KCNU1: variants seen among roughly 807,000 people sequenced by gnomAD.
The protein encoded by KCNU1 is potassium calcium-activated channel subfamily U member 1.
KCNU1 carries 93 observed loss-of-function variants against 126.8 expected under a neutral mutation model. The observed-to-expected ratio is 0.73, with a 90% CI of 0.62 to 0.87. The LOEUF (loss-of-function observed/expected upper bound fraction) is 0.87. Ranked by LOEUF, KCNU1 falls within the 40% of genes least tolerant of loss-of-function variation. KCNU1 has a pLI of 0.00. For synonymous variants in KCNU1, 523 were observed against 494.2 expected (o/e 1.06, Z -0.77); for missense variants, 1,330 against 1,367.1 (o/e 0.97, Z 0.43).
chr8:36,859,648 A>G (rs1040618057), intron 18 of KCNU1, among the ~76,000 whole-genome samples: 2 of 152,158 alleles, frequency 1.3e-5, no homozygotes, highest in Admixed American at 1.3e-4. Flanking sequence ...CCATTTTTCC[A>G]AACTAGAACC....
intron 19 of KCNU1, among the ~76,000 whole-genome samples, chr8:36,885,942 A>C (rs1806684868): frequency 6.6e-6 from 1 of 152,220 alleles, no homozygotes; most frequent in Non-Finnish European, 1.5e-5. Context: ...CTGAAGAAGA[A>C]AGGAGAAACA....
At chr8:36,791,686 G>A (rs557848395) in intron 2 of KCNU1, among the ~76,000 whole-genome samples, 3 of 152,106 alleles carry the variant, frequency 2.0e-5, no homozygotes, top group South Asian at 2.1e-4. Context: ...TTTCAAAAAC[G>A]GTGCCTGGAA....
At chr8:36,830,865 G>A (rs1244792677) in intron 10 of KCNU1, among the ~76,000 whole-genome samples, 14 of 150,722 alleles carry the variant, frequency 9.3e-5, no homozygotes, top group Non-Finnish European at 1.8e-4. Flanking sequence ...CCACTAACTC[G>A]TCATCTAGCA....
intron 18 of KCNU1, among the ~76,000 whole-genome samples, chr8:36,849,414 C>A (rs1805265494): frequency 6.6e-6 from 1 of 152,024 alleles, no homozygotes; most frequent in Admixed American, 6.6e-5. Context: ...CATGGTGAAA[C>A]CCCGTCTGTA....
In KCNU1 at chr8:36,811,435, A is replaced by G. The variant is rs560137365; in HGVS notation, c.732+2642A>G. Among the ~76,000 whole-genome samples, 7 of 152,316 alleles carry G rather than the reference A, an allele frequency of 4.6e-5. No individual in the cohort carries two copies. In the East Asian group the frequency reaches 1.2e-3, roughly 25 times the overall value. On this transcript the variant is annotated intron_variant, in intron 7 of 26. Transcript: ENST00000399881. ...GACTAGCTTCAAGTTTCTTGACAAC[A>G]TTGGTCAATACCAGAAGATGATACA...
intron 7 of KCNU1, among the ~76,000 whole-genome samples, chr8:36,813,507 A>G (rs1051720294): frequency 2.0e-5 from 3 of 149,012 alleles, no homozygotes. Flanking sequence ...TATATAATAT[A>G]TTATGTTACA....
At chr8:36,910,661 C>T (rs556719999) in intron 21 of KCNU1, among the ~76,000 whole-genome samples, 6 of 152,286 alleles carry the variant, frequency 3.9e-5, no homozygotes, top group East Asian at 3.9e-4. Flanking sequence ...GTCAGTGGCA[C>T]GGACTTACGT....
chr8:36,855,933 GT>G, intron 18 of KCNU1, among the ~76,000 whole-genome samples: 1 of 151,964 alleles, frequency 6.6e-6, no homozygotes, highest in Admixed American at 6.6e-5. Context: ...CATTTTTCTC[GT>G]GCTGGTTTCA....
In KCNU1 at chr8:36,886,056, A is replaced by G. The variant is rs569196499; in HGVS notation, c.2010-19652A>G. Among the ~76,000 whole-genome samples the G allele has an allele frequency of 3.9e-5, 6 of 152,176 alleles. No individual in the cohort carries two copies. In the South Asian group the frequency reaches 1.0e-3, roughly 26 times the overall value. Reference sequence around the variant, plus strand: ...CATATAATCTTCCCGTATCCCACACATTACCACCACACCAATAGGGCTTCA... The same window carrying G: ...CATATAATCTTCCCGTATCCCACACGTTACCACCACACCAATAGGGCTTCA... On this transcript the variant is annotated intron_variant, in intron 19 of 26. Coordinates refer to ENST00000399881, the MANE Select transcript of KCNU1 (RefSeq NM_001031836.3).
At chr8:36,928,120 G>A (rs1226698944) in intron 24 of KCNU1, among the ~76,000 whole-genome samples, 1 of 151,928 alleles carries the variant, frequency 6.6e-6, no homozygotes, top group Non-Finnish European at 1.5e-5. Flanking sequence ...AATAGGAGAT[G>A]AGCTCACAGA....
In KCNU1 at chr8:36,879,410, G is replaced by A. The variant is rs928794810; in HGVS notation, c.2009+14889G>A. Among the ~76,000 whole-genome samples, 3 of 151,650 alleles carry A rather than the reference G, an allele frequency of 2.0e-5. No individual in the cohort carries two copies. In the East Asian group the frequency reaches 5.8e-4, roughly 29 times the overall value. On this transcript the variant is annotated intron_variant, in intron 19 of 26. Transcript: ENST00000399881. ...ATCTAACCTTGAGAAATGTATGTCTGGTATGCAAGAAAAATTAGCTATCAA... is the reference window on the plus strand; with the variant it reads ...ATCTAACCTTGAGAAATGTATGTCTAGTATGCAAGAAAAATTAGCTATCAA...
rs553837742 is a variant in KCNU1 at position 36,935,780 on chromosome 8, C to G, written c.3310C>G (p.Gln1104Glu). ...AACTAACTCCCTCTCTTTTCCTAAG[C>G]AAATAGCATGGAATCAGAGTAGAAC... is the stretch of plus-strand genomic sequence containing the variant. ...PRTNSLSFPK[Q>E]IAWNQSRTNS... The change falls in exon 27 of 27, where the codon CAA becomes GAA. Residue 1104 changes from glutamine (Q) to glutamate (E), a missense_variant. This residue lies in a region of KCNU1 where 1,054 missense variants were observed against 1,053.9 expected (regional missense o/e 1.00). Transcript: ENST00000399881. The G allele has an allele frequency of 5.0e-6, 8 of 1,613,336 alleles. No homozygotes were observed. The South Asian group carries it at 6.6e-5, about 13-fold the overall frequency.
chr8:36,809,729 C>A (rs1037432891), intron 7 of KCNU1, among the ~76,000 whole-genome samples: 2 of 152,104 alleles, frequency 1.3e-5, no homozygotes, highest in African/African-American at 4.8e-5. Context: ...ACATTAGTGT[C>A]CCTGTAGAAA....
chr8:36,877,458 A>G (rs905036953), intron 19 of KCNU1, among the ~76,000 whole-genome samples: 21 of 151,696 alleles, frequency 1.4e-4, no homozygotes, highest in African/African-American at 5.1e-4. Context: ...GCCCACCACC[A>G]CACCCAGCTG....
intron 26 of KCNU1, among the ~76,000 whole-genome samples, chr8:36,933,498 T>A (rs963992293): frequency 1.3e-5 from 2 of 152,084 alleles, no homozygotes; most frequent in Non-Finnish European, 2.9e-5. Context: ...CGGCTTTCAA[T>A]TTAAAGAAAG....
chr8:36,888,027 T>G (rs1301415506), intron 19 of KCNU1, among the ~76,000 whole-genome samples: 2 of 152,134 alleles, frequency 1.3e-5, no homozygotes, highest in African/African-American at 4.8e-5. Flanking sequence ...AAGATTTTTC[T>G]GGGTTGCCCT....
Position 36,834,795 on chromosome 8 carries a change from G to C in KCNU1, c.1222G>C (p.Ala408Pro). ...EDLRRVAVES[A>P]EACLIIANPL... The stretch of plus-strand genomic sequence containing the variant: ...CGATCTTGAAGGGTAGGTGGAATCT[G>C]CAGAGGCATGCCTGATTATAGCCAA... The change falls in exon 12 of 27, where the codon GCA becomes CCA. Residue 408 changes from alanine to proline, a missense_variant. Transcript: ENST00000399881. 5 of 1,608,952 alleles carry C rather than the reference G, an allele frequency of 3.1e-6. No homozygotes were observed. Among genetic ancestry groups the C allele is most frequent in the Non-Finnish European group, 4.3e-6 (5 of 1,176,180 alleles).
intron 2 of KCNU1, chr8:36,795,600 G>C (rs758588041): frequency 6.6e-6 from 1 of 152,460 alleles, no homozygotes. Flanking sequence ...AAGCAGTGTG[G>C]TACTTTCCAA....
chr8:36,931,037 G>A lies in KCNU1; in HGVS notation c.2823G>A (p.Lys941=). The change falls in exon 25 of 27, where the codon AAG becomes AAA. Residue 941 remains lysine, a synonymous_variant. Transcript: ENST00000399881. ...CTCAGCTGGAACAACATTTAGATAA[G>A]GATAAAGTCTATGGTGTGGCAGATA... ...VSSQLEQHLD[K]DKVYGVADSC... is the part of the protein sequence containing the mutation. The A allele has an allele frequency of 6.2e-7, 1 of 1,611,628 alleles. No homozygotes were observed. Among genetic ancestry groups the A allele is most frequent in the Non-Finnish European group, 8.5e-7 (1 of 1,178,720 alleles).
Sources: gnomAD v4.1 joint callset for allele counts (sites outside exome capture counted in the v4.1 genomes callset) on GRCh38, gnomAD v4.1.1 for gene constraint, gnomAD v4.1.1 regional missense constraint, MANE v1.5 for transcripts, NCBI Gene and HGNC (gene_info 2026-07-23, HGNC 2026-07-21) for gene names.